RIN2: variants seen among roughly 807,000 people sequenced by gnomAD.
RIN2 encodes the protein RAB5 interacting protein 2.
Under a neutral mutation model 78.0 loss-of-function variants are expected in RIN2, and 36 were observed. The ratio of observed to expected loss-of-function variants is 0.46; its 90% CI spans 0.35 to 0.61. The LOEUF (loss-of-function observed/expected upper bound fraction) is 0.61. Among genes scored for constraint, RIN2 ranks in the 20% least tolerant of loss-of-function variants. The probability of loss-of-function intolerance (pLI) is 0.00; values close to 1 mark genes in which losing one functional copy is unlikely to be tolerated. For missense variants in RIN2, 1,087 were observed against 1,159.7 expected, an observed-to-expected ratio of 0.94 and a Z score of 0.91; for synonymous variants, 466 against 466.8, an observed-to-expected ratio of 1.00 and a Z score of 0.02.
intron 4 of RIN2, 56 bp downstream of exon 4, chr20:19,935,255 G>A: frequency 6.9e-7 from 1 of 1,453,888 alleles, no homozygotes; most frequent in Non-Finnish European, 9.4e-7. Flanking sequence ...GTGAACCCTG[G>A]CACTGCCAAG....
intron 2 of RIN2, among the ~76,000 whole-genome samples, chr20:19,830,490 G>A (rs1393777379): frequency 6.6e-6 from 1 of 152,086 alleles, no homozygotes; most frequent in African/African-American, 2.4e-5. Context: ...ACAAGCCTCA[G>A]CCCTTTCCAA....
intron 4 of RIN2, among the ~76,000 whole-genome samples, chr20:19,944,161 A>G (rs9653630): frequency 0.1 from 15,821 of 151,892 alleles, 927 homozygotes; most frequent in East Asian, 0.27. Context: ...TATGTCTTTA[A>G]CACAAATTGG....
chr20:19,811,940 G>A (rs141227011), intron 2 of RIN2, among the ~76,000 whole-genome samples: 2 of 152,192 alleles, frequency 1.3e-5, no homozygotes, highest in African/African-American at 4.8e-5. Context: ...AATTTATACA[G>A]CTTTCCAGAA....
chr20:19,923,144 G>A (rs114974770), intron 3 of RIN2, among the ~76,000 whole-genome samples: 1,900 of 152,280 alleles, frequency 0.012, 45 homozygotes, highest in African/African-American at 0.044. Flanking sequence ...AGAGGCCAGC[G>A]CGGTAGCTCA....
At chr20:19,802,353 G>A (rs2035266678) in intron 2 of RIN2, among the ~76,000 whole-genome samples, 2 of 152,052 alleles carry the variant, frequency 1.3e-5, no homozygotes, top group Admixed American at 1.3e-4. Context: ...GGTATGGCCA[G>A]GCCAGGTGTG....
At chr20:19,878,771 C>T (rs1212338474) in intron 2 of RIN2, among the ~76,000 whole-genome samples, 2 of 152,154 alleles carry the variant, frequency 1.3e-5, no homozygotes, top group African/African-American at 2.4e-5. Context: ...TGGGCCCACT[C>T]GACCCTCCGT....
chr20:19,987,045 A>C (rs751924701), intron 9 of RIN2, among the ~76,000 whole-genome samples: 2 of 152,274 alleles, frequency 1.3e-5, no homozygotes, highest in East Asian at 3.9e-4. Flanking sequence ...GCTGTAGGAG[A>C]TACTCTTGTG....
chr20:19,789,483 T>C (rs2034818362), intron 1 of RIN2, among the ~76,000 whole-genome samples: 1 of 152,234 alleles, frequency 6.6e-6, no homozygotes, highest in African/African-American at 2.4e-5. Context: ...TTCTTCCTAG[T>C]CCTTTATGAT....
intron 4 of RIN2, among the ~76,000 whole-genome samples, chr20:19,936,317 T>C (rs904005659): frequency 3.9e-5 from 6 of 152,206 alleles, no homozygotes; most frequent in African/African-American, 1.4e-4. Flanking sequence ...GTCTTATTTT[T>C]TCCCCATAAA....
chr20:19,868,440 A>G (rs1175794740), intron 2 of RIN2, among the ~76,000 whole-genome samples: 2 of 152,246 alleles, frequency 1.3e-5, no homozygotes, highest in African/African-American at 4.8e-5. Flanking sequence ...TTAGTAAATT[A>G]TTTAGTGTCC....
At chr20:19,758,664 T>C (rs2033488472) in intron 1 of RIN2, among the ~76,000 whole-genome samples, 1 of 152,146 alleles carries the variant, frequency 6.6e-6, no homozygotes, top group African/African-American at 2.4e-5. Context: ...GCAGGCACTA[T>C]GGCTCGAGGT....
chr20:19,974,593 T>C, intron 8 of RIN2, 61 bp from the exon 9 acceptor site: 1 of 1,519,778 alleles, frequency 6.6e-7, no homozygotes, highest in South Asian at 1.2e-5. Context: ...TTTTAATTTG[T>C]GAAGGAATGG....
At chr20:19,794,046 C>T (rs1439689163) in intron 1 of RIN2, among the ~76,000 whole-genome samples, 1 of 152,112 alleles carries the variant, frequency 6.6e-6, no homozygotes, top group Non-Finnish European at 1.5e-5. Context: ...CTTAGATACA[C>T]TAAGGCAGGA....
intron 7 of RIN2, among the ~76,000 whole-genome samples, chr20:19,966,343 A>G (rs2041937445): frequency 6.8e-6 from 1 of 146,144 alleles, no homozygotes; most frequent in Admixed American, 6.9e-5. Flanking sequence ...TTTTTTTGAG[A>G]TGGAGTTTCA....
rs536590428 is a variant in RIN2, at chr20:19,996,534, G to A, written c.2201-145G>A. On this transcript the variant is annotated intron_variant, in intron 11 of 12. Coordinates refer to ENST00000255006, the MANE Select transcript of RIN2 (RefSeq NM_018993.4). ...GGAGGAGTGAGTGCCATGCTCTTGG[G>A]TGTGTGCTTCTGTGATCCCACAAGG... The A allele has an allele frequency of 7.9e-6, 6 of 756,116 alleles. No individual in the cohort carries two copies. In the East Asian group the frequency reaches 8.2e-5, roughly 10 times the overall value. 46.8% of individuals were successfully genotyped at this position (756,116 alleles called of 1,614,324 possible).
intron 2 of RIN2, among the ~76,000 whole-genome samples, chr20:19,840,292 T>C (rs2036542425): frequency 6.6e-6 from 1 of 152,198 alleles, no homozygotes; most frequent in South Asian, 2.1e-4. Flanking sequence ...TTTTCCCTGG[T>C]GCCACACCTT....
chr20:19,795,628 T>A (rs1251978309), intron 1 of RIN2, among the ~76,000 whole-genome samples: 1 of 152,172 alleles, frequency 6.6e-6, no homozygotes, highest in Non-Finnish European at 1.5e-5. Flanking sequence ...ACTATTGAGA[T>A]CCTGCACGTG....
At chr20:19,990,416 C>T in intron 10 of RIN2, 105 bp downstream of exon 10, 2 of 1,108,900 alleles carry the variant, frequency 1.8e-6, no homozygotes, top group Non-Finnish European at 2.5e-6. Flanking sequence ...TCCCTTTGGT[C>T]TCTTGATTTC....
chr20:19,957,264 C>T (rs1290208314), intron 5 of RIN2, among the ~76,000 whole-genome samples: 1 of 152,222 alleles, frequency 6.6e-6, no homozygotes, highest in Non-Finnish European at 1.5e-5. Flanking sequence ...CTCTGTAGTC[C>T]TCTTTTCCCT....
Sources: allele counts gnomAD v4.1 joint callset (sites outside exome capture counted in the v4.1 genomes callset), GRCh38; gene constraint gnomAD v4.1.1; transcripts MANE v1.5; gene names NCBI Gene and HGNC (gene_info 2026-07-23, HGNC 2026-07-21).